The following STEAP1B variants were observed in gnomAD, a reference collection of about 807,000 sequenced individuals.
The protein encoded by STEAP1B is STEAP family protein MGC87042.
Under a neutral mutation model 27.9 loss-of-function variants are expected in STEAP1B, and 13 were observed. The observed-to-expected ratio is 0.47, with a 90% CI of 0.30 to 0.74. STEAP1B has a LOEUF of 0.74. Among genes scored for constraint, STEAP1B ranks in the 30% least tolerant of loss-of-function variants. STEAP1B has a pLI of 0.06. For synonymous variants in STEAP1B, 86 were observed against 107.1 expected (o/e 0.80, Z 1.22); for missense variants, 250 against 298.7 (o/e 0.84, Z 1.20).
chr7:22,465,992 AAGGAATGAATCTTCAGGT>A (rs1785773001), intron 4 of STEAP1B, among the ~76,000 whole-genome samples: 1 of 152,140 alleles, frequency 6.6e-6, no homozygotes, highest in South Asian at 2.1e-4. Context: ...TATCATTGAT[AAGGAATGAATCTTCAGGT>A]TCATTCCCTA....
intron 4 of STEAP1B, chr7:22,438,853 T>G: frequency 2.3e-6 from 3 of 1,289,198 alleles, no homozygotes; most frequent in Non-Finnish European, 3.0e-6. Flanking sequence ...CTGAATACTC[T>G]CCTTCATTTA....
intron 4 of STEAP1B, among the ~76,000 whole-genome samples, chr7:22,433,656 G>T (rs1206515441): frequency 1.3e-5 from 2 of 152,194 alleles, no homozygotes; most frequent in Non-Finnish European, 2.9e-5. Flanking sequence ...AGATTGCAAA[G>T]TATACCTATA....
At chr7:22,435,180 G>C (rs1785238463) in intron 4 of STEAP1B, among the ~76,000 whole-genome samples, 1 of 152,092 alleles carries the variant, frequency 6.6e-6, no homozygotes, top group Admixed American at 6.5e-5. Context: ...ACACACCAAT[G>C]TGAATGGCCA....
Position 22,429,683 on chromosome 7 carries a change from A to G in STEAP1B, c.763-9847T>C, listed in dbSNP as rs543022830. 5.9e-5 allele frequency among the ~76,000 whole-genome samples: 9 copies of G among 152,280 alleles called. No homozygotes were observed. The South Asian group carries it at 1.9e-3, about 32-fold the overall frequency. On this transcript the variant is annotated intron_variant, in intron 4 of 4. Coordinates refer to ENST00000678116, the MANE Select transcript of STEAP1B (RefSeq NM_001382447.1). ...TGCTCAGAACAGTGCACAATTAAAA[A>G]CTTATGAATTGTTTATTTTTTTAAA...
chr7:22,473,019 T>C (rs1268109658), intron 4 of STEAP1B, among the ~76,000 whole-genome samples: 1 of 152,126 alleles, frequency 6.6e-6, no homozygotes, highest in East Asian at 1.9e-4. Flanking sequence ...CTGCTGTCTT[T>C]GATTGGGCCC....
At chr7:22,495,780 G>A (rs1393355736) in intron 1 of STEAP1B, among the ~76,000 whole-genome samples, 1 of 152,066 alleles carries the variant, frequency 6.6e-6, no homozygotes, top group African/African-American at 2.4e-5. Flanking sequence ...GTGGAAAGCT[G>A]TTTCCAGGAA....
chr7:22,457,536 T>C (rs902625625), intron 4 of STEAP1B, among the ~76,000 whole-genome samples: 10 of 152,206 alleles, frequency 6.6e-5, no homozygotes, highest in African/African-American at 2.4e-4. Context: ...AGGAAATTTG[T>C]TCCTGAGGTA....
chr7:22,452,760 T>A (rs953715108), intron 4 of STEAP1B, among the ~76,000 whole-genome samples: 1 of 152,120 alleles, frequency 6.6e-6, no homozygotes. Flanking sequence ...CTGAGAATCT[T>A]ACCCCAAGCT....
intron 4 of STEAP1B, among the ~76,000 whole-genome samples, chr7:22,465,673 G>C (rs73268541): frequency 1.3e-5 from 2 of 152,114 alleles, no homozygotes; most frequent in Admixed American, 6.5e-5. Context: ...CACCAGGTTC[G>C]ACAGGCCAAA....
intron 4 of STEAP1B, among the ~76,000 whole-genome samples, chr7:22,469,937 C>T (rs1302235524): frequency 6.6e-6 from 1 of 152,088 alleles, no homozygotes; most frequent in Non-Finnish European, 1.5e-5. Context: ...CATGCTGACT[C>T]ATGTTTAAAA....
At chr7:22,486,750 C>T (rs1786215944) in intron 4 of STEAP1B, among the ~76,000 whole-genome samples, 1 of 152,114 alleles carries the variant, frequency 6.6e-6, no homozygotes, top group African/African-American at 2.4e-5. Flanking sequence ...CTCACTCCCT[C>T]TCAGGCAAGT....
chr7:22,477,937 C>A (rs193090290), intron 4 of STEAP1B, among the ~76,000 whole-genome samples: 1 of 152,208 alleles, frequency 6.6e-6, no homozygotes, highest in Non-Finnish European at 1.5e-5. Context: ...CCTTGTAACT[C>A]AAAAAACATA....
intron 4 of STEAP1B, among the ~76,000 whole-genome samples, chr7:22,427,538 C>G (rs1473941947): frequency 1.3e-5 from 2 of 152,156 alleles, no homozygotes; most frequent in Non-Finnish European, 2.9e-5. Flanking sequence ...TGGACATATT[C>G]ACTTTGACAG....
chr7:22,422,482 C>T (rs2128398018), intron 4 of STEAP1B, among the ~76,000 whole-genome samples: 1 of 149,900 alleles, frequency 6.7e-6, no homozygotes, highest in East Asian at 1.9e-4. Flanking sequence ...AATAAACTTG[C>T]TTATTTGTGT....
intron 4 of STEAP1B, among the ~76,000 whole-genome samples, chr7:22,464,678 C>A (rs1166587991): frequency 6.6e-6 from 1 of 151,544 alleles, no homozygotes; most frequent in Non-Finnish European, 1.5e-5. Flanking sequence ...CAGAGATGCA[C>A]GCACACAGAA....
At chr7:22,465,986 A>T (rs552481740) in intron 4 of STEAP1B, among the ~76,000 whole-genome samples, 2 of 152,218 alleles carry the variant, frequency 1.3e-5, no homozygotes, top group African/African-American at 4.8e-5. Flanking sequence ...GACACTTATC[A>T]TTGATAAGGA....
intron 4 of STEAP1B, chr7:22,438,553 A>C: frequency 6.4e-7 from 1 of 1,552,070 alleles, no homozygotes; most frequent in Non-Finnish European, 8.7e-7. Context: ...ATGAAGCTGA[A>C]ACATGTGAGA....
At chr7:22,433,859 G>C (rs1785221382) in intron 4 of STEAP1B, among the ~76,000 whole-genome samples, 1 of 152,180 alleles carries the variant, frequency 6.6e-6, no homozygotes, top group South Asian at 2.1e-4. Flanking sequence ...GTATACGTAT[G>C]TGTGTAAGAT....
chr7:22,452,670 T>C (rs1045682399), intron 4 of STEAP1B, among the ~76,000 whole-genome samples: 6 of 152,168 alleles, frequency 3.9e-5, no homozygotes, highest in Non-Finnish European at 8.8e-5. Flanking sequence ...GGCTGGGTCC[T>C]GAGCGAACTC....
Sources: allele counts gnomAD v4.1 joint callset (sites outside exome capture counted in the v4.1 genomes callset), GRCh38; gene constraint gnomAD v4.1.1; transcripts MANE v1.5; gene names NCBI Gene and HGNC (gene_info 2026-07-23, HGNC 2026-07-21).